CLPX: variants seen among roughly 807,000 people sequenced by gnomAD.
CLPX encodes ATP-dependent clpX-like chaperone, mitochondrial.
Under a neutral mutation model 76.4 loss-of-function variants are expected in CLPX, and 34 were observed. The observed-to-expected ratio is 0.45, with a 90% CI of 0.34 to 0.59. The LOEUF is 0.59. Among genes scored for constraint, CLPX ranks in the 20% least tolerant of loss-of-function variants. The pLI, the probability that CLPX is intolerant of heterozygous loss-of-function variation, is 0.01. For synonymous variants in CLPX, 248 were observed against 270.9 expected (o/e 0.92, Z 0.83); for missense variants, 613 against 757.0 (o/e 0.81, Z 2.23).
At chr15:65,151,971 C>T (rs2087726340) in intron 13 of CLPX, among the ~76,000 whole-genome samples, 1 of 152,062 alleles carries the variant, frequency 6.6e-6, no homozygotes. Flanking sequence ...ACTTTGTCGC[C>T]CAGGCTGGAG....
intron 13 of CLPX, among the ~76,000 whole-genome samples, chr15:65,151,530 A>G (rs2087721385): frequency 6.6e-6 from 1 of 151,732 alleles, no homozygotes; most frequent in African/African-American, 2.4e-5. Context: ...CTTCTCCAAG[A>G]AAGTATCATC....
intron 3 of CLPX, among the ~76,000 whole-genome samples, chr15:65,174,051 T>C (rs1309164728): frequency 6.6e-6 from 1 of 151,366 alleles, no homozygotes; most frequent in Non-Finnish European, 1.5e-5. Context: ...TCTGGCTCAC[T>C]GTAGCCTCTG....
At chr15:65,173,330 G>A (rs1027797316) in intron 3 of CLPX, among the ~76,000 whole-genome samples, 11 of 136,672 alleles carry the variant, frequency 8.0e-5, no homozygotes, top group African/African-American at 1.7e-4. Flanking sequence ...TAGTGCCACC[G>A]CACTCCAACC....
chr15:65,169,719 AAC>A (rs2087972238), intron 3 of CLPX, among the ~76,000 whole-genome samples: 1 of 151,892 alleles, frequency 6.6e-6, no homozygotes. Flanking sequence ...AACATAAAAC[AAC>A]ACATGGTTAT....
chr15:65,158,493 T>TA, intron 7 of CLPX, 82 bp downstream of exon 7: 2 of 1,185,074 alleles, frequency 1.7e-6, no homozygotes, highest in Non-Finnish European at 2.4e-6. Flanking sequence ...CCGTAATACT[T>TA]CAATCGCAAG....
intron 12 of CLPX, 48 bp from the exon 13 acceptor site, chr15:65,152,584 A>G (rs1423047619): frequency 1.9e-5 from 19 of 1,006,802 alleles, no homozygotes; most frequent in Middle Eastern, 2.6e-4. Flanking sequence ...GATTACATAC[A>G]AGTGCTTTTA....
intron 4 of CLPX, among the ~76,000 whole-genome samples, chr15:65,165,578 G>T (rs1339538229): frequency 6.6e-6 from 1 of 151,298 alleles, no homozygotes; most frequent in Non-Finnish European, 1.5e-5. Context: ...GTAGAGACGG[G>T]GTTTCACCAT....
At chr15:65,175,697 G>A (rs767116012) in intron 3 of CLPX, among the ~76,000 whole-genome samples, 8 of 152,208 alleles carry the variant, frequency 5.3e-5, no homozygotes, top group East Asian at 1.9e-4. Flanking sequence ...GCGTCATGAC[G>A]CACTCAAAAG....
intron 5 of CLPX, among the ~76,000 whole-genome samples, chr15:65,163,654 A>T (rs2087877587): frequency 6.6e-6 from 1 of 152,102 alleles, no homozygotes; most frequent in South Asian, 2.1e-4. Flanking sequence ...CACCTGGCTA[A>T]TTTTTGTATT....
intron 4 of CLPX, among the ~76,000 whole-genome samples, chr15:65,165,212 C>CAT (rs2087895089): frequency 6.6e-6 from 1 of 151,964 alleles, no homozygotes; most frequent in East Asian, 1.9e-4. Context: ...CCTGCAGTCC[C>CAT]AGCTACTGTG....
In CLPX at chr15:65,185,095, G is replaced by A; in HGVS notation, c.59C>T (p.Ser20Leu). 1.3e-6 allele frequency: 2 copies of A among 1,583,740 alleles called. No homozygotes were observed. Among genetic ancestry groups the A allele is most frequent in the Non-Finnish European group, 1.7e-6 (2 of 1,166,006 alleles). Residue 20 changes from serine to leucine, a missense_variant, in exon 1 of 14, where the codon TCA (serine) becomes TTA (leucine). Ser to Leu is a moderately radical substitution (Grantham distance 145). Coordinates refer to ENST00000300107, the MANE Select transcript of CLPX (RefSeq NM_006660.5). ...GAAAVRLITS[S>L]LASAQRGISG... ...GTTACCTCTCTGCGCGGAGGCGAGTGAGGAGGTGATGAGCCGGACGGCCGC... is the reference window on the plus strand; with the variant it reads ...GTTACCTCTCTGCGCGGAGGCGAGTAAGGAGGTGATGAGCCGGACGGCCGC...
intron 3 of CLPX, among the ~76,000 whole-genome samples, chr15:65,169,102 C>G (rs1033109421): frequency 6.6e-6 from 1 of 151,104 alleles, no homozygotes; most frequent in African/African-American, 2.4e-5. Context: ...CGCCTCACTG[C>G]AAGCTCCACC....
intron 3 of CLPX, among the ~76,000 whole-genome samples, chr15:65,171,043 G>C (rs1041101397): frequency 6.6e-6 from 1 of 151,642 alleles, no homozygotes; most frequent in African/African-American, 2.4e-5. Flanking sequence ...GGATGGTCTC[G>C]ATCTTCTGAC....
At chr15:65,176,591 T>C (rs1017970310) in intron 3 of CLPX, among the ~76,000 whole-genome samples, 7 of 151,942 alleles carry the variant, frequency 4.6e-5, no homozygotes, top group Admixed American at 1.3e-4. Context: ...TTTTCTTTTT[T>C]TTCTTTCTTT....
chr15:65,180,196 C>A lies in CLPX; in HGVS notation c.88G>T (p.Gly30Cys). The A allele has an allele frequency of 6.3e-7, 1 of 1,583,950 alleles. No individual in the cohort carries two copies. The highest frequency in any genetic ancestry group is 8.6e-7 in the Non-Finnish European group (1 of 1,166,006). ...AAAACTGACATATGAATGCGACCAC[C>A]AGAAATACCTGAAAATAAAAGGAAA... ...SLASAQRGISGGRIHMSVLGR... is the reference protein window; with the variant it reads ...SLASAQRGISCGRIHMSVLGR... The change falls in exon 2 of 14, where the codon GGT (glycine) becomes TGT (cysteine). Residue 30 changes from glycine to cysteine, a missense_variant. This residue lies in a region of CLPX where 163 missense variants were observed against 118.4 expected (regional missense o/e 1.38). Coordinates refer to ENST00000300107, the MANE Select transcript of CLPX (RefSeq NM_006660.5).
intron 3 of CLPX, among the ~76,000 whole-genome samples, chr15:65,171,927 G>A (rs1330267914): frequency 6.6e-6 from 1 of 152,004 alleles, no homozygotes. Context: ...CTAAATTCAA[G>A]GATTCAATGT....
chr15:65,184,385 A>C (rs2088224313), intron 1 of CLPX: 1 of 152,282 alleles, frequency 6.6e-6, no homozygotes, highest in African/African-American at 2.4e-5. Flanking sequence ...AAGTTGGGAA[A>C]GCCAGCAAAG....
intron 13 of CLPX, among the ~76,000 whole-genome samples, chr15:65,152,171 G>A (rs1029516383): frequency 1.3e-5 from 2 of 151,926 alleles, no homozygotes; most frequent in Non-Finnish European, 2.9e-5. Flanking sequence ...CTCGTGATCC[G>A]CCCACCTCGG....
intron 6 of CLPX, among the ~76,000 whole-genome samples, chr15:65,160,250 T>C (rs942033701): frequency 6.6e-6 from 1 of 152,238 alleles, no homozygotes. Context: ...TTTCAAACTA[T>C]CTTCATACTT....
Sources: allele counts gnomAD v4.1 joint callset (sites outside exome capture counted in the v4.1 genomes callset), GRCh38; gene constraint gnomAD v4.1.1; regional missense constraint gnomAD v4.1.1; transcripts MANE v1.5; gene names NCBI Gene and HGNC (gene_info 2026-07-23, HGNC 2026-07-21).